The following ASIC2 variants were observed in gnomAD, a reference collection of about 807,000 sequenced individuals.
ASIC2 encodes acid sensing ion channel subunit 2.
ASIC2 carries 25 observed loss-of-function variants against 57.3 expected under a neutral mutation model. That is an observed-to-expected ratio of 0.44 (90% confidence interval 0.32 to 0.61). The LOEUF is 0.61. ASIC2 is among the 20% of genes least tolerant of loss of function. ASIC2 has a pLI of 0.06. For synonymous variants in ASIC2, 319 were observed against 307.5 expected (o/e 1.04, Z -0.39); for missense variants, 641 against 738.1 (o/e 0.87, Z 1.52).
chr17:34,059,074 G>A (rs569467909), intron 1 of ASIC2, among the ~76,000 whole-genome samples: 8 of 152,248 alleles, frequency 5.3e-5, no homozygotes, highest in African/African-American at 1.9e-4. Context: ...TTTGAGCTCT[G>A]GATCAACTGC....
At chr17:33,261,146 G>C (rs4795756) in intron 1 of ASIC2, among the ~76,000 whole-genome samples, 49,328 of 152,254 alleles carry the variant, frequency 0.32, 8,297 homozygotes, top group East Asian at 0.42. Flanking sequence ...TTTGCCATCA[G>C]TAATTTCAGA....
At chr17:33,776,185 C>T (rs573558582) in intron 1 of ASIC2, among the ~76,000 whole-genome samples, 1 of 149,952 alleles carries the variant, frequency 6.7e-6, no homozygotes, top group Non-Finnish European at 1.5e-5. Context: ...TGCCTAAATT[C>T]ATATGTTGAA....
intron 1 of ASIC2, among the ~76,000 whole-genome samples, chr17:33,950,170 G>A (rs947255103): frequency 3.3e-5 from 5 of 152,196 alleles, no homozygotes; most frequent in Non-Finnish European, 2.9e-5. Flanking sequence ...CTAATCAGGC[G>A]CTTTTGCTGC....
chr17:33,235,765 C>T (rs572088485), intron 1 of ASIC2, among the ~76,000 whole-genome samples: 1 of 152,232 alleles, frequency 6.6e-6, no homozygotes, highest in African/African-American at 2.4e-5. Flanking sequence ...TGGATCAGAC[C>T]CAGAGTCACA....
intron 1 of ASIC2, among the ~76,000 whole-genome samples, chr17:33,252,719 T>G (rs1415710576): frequency 6.6e-6 from 1 of 152,126 alleles, no homozygotes; most frequent in Non-Finnish European, 1.5e-5. Flanking sequence ...CAATTCTTGC[T>G]GGAGTTCTGC....
chr17:33,537,881 G>T (rs1377774293), intron 1 of ASIC2, among the ~76,000 whole-genome samples: 1 of 152,172 alleles, frequency 6.6e-6, no homozygotes, highest in Non-Finnish European at 1.5e-5. Context: ...ATAGGAACAG[G>T]ATCTAGATAG....
chr17:33,797,742 A>G (rs1911961841), intron 1 of ASIC2, among the ~76,000 whole-genome samples: 1 of 152,194 alleles, frequency 6.6e-6, no homozygotes. Context: ...TGCAGACAGA[A>G]GGCTGTTTGG....
chr17:33,132,558 C>G (rs1198446561), intron 1 of ASIC2, among the ~76,000 whole-genome samples: 1 of 152,208 alleles, frequency 6.6e-6, no homozygotes, highest in East Asian at 1.9e-4. Context: ...AGAGCACACA[C>G]ACACAGACTC....
intron 1 of ASIC2, among the ~76,000 whole-genome samples, chr17:33,957,969 A>G (rs759943032): frequency 1.8e-4 from 28 of 152,230 alleles, no homozygotes; most frequent in Non-Finnish European, 2.6e-4. Context: ...ACTCATTCCG[A>G]AAGGGAGAAA....
At chr17:33,611,141 C>T (rs1905395607) in intron 1 of ASIC2, among the ~76,000 whole-genome samples, 1 of 152,170 alleles carries the variant, frequency 6.6e-6, no homozygotes, top group African/African-American at 2.4e-5. Flanking sequence ...CTGCTGCTTT[C>T]CCAACTAGCC....
At chr17:33,186,277 A>AT (rs1383325147) in intron 1 of ASIC2, among the ~76,000 whole-genome samples, 1 of 151,950 alleles carries the variant, frequency 6.6e-6, no homozygotes, top group African/African-American at 2.4e-5. Flanking sequence ...CACCTAGCTA[A>AT]TTTTTGTATT....
chr17:33,374,553 G>C (rs8067530), intron 1 of ASIC2, among the ~76,000 whole-genome samples: 18,366 of 152,174 alleles, frequency 0.12, 1,407 homozygotes, highest in African/African-American at 0.21. Flanking sequence ...ATAACTCCCT[G>C]TCCTACATGG....
intron 1 of ASIC2, among the ~76,000 whole-genome samples, chr17:33,353,308 C>T (rs1430431426): frequency 6.6e-6 from 1 of 152,084 alleles, no homozygotes; most frequent in African/African-American, 2.4e-5. Flanking sequence ...CGACCTCTAC[C>T]TGTCTCATGC....
chr17:33,709,347 G>A (rs28435723), intron 1 of ASIC2, among the ~76,000 whole-genome samples: 2,005 of 152,346 alleles, frequency 0.013, 50 homozygotes, highest in African/African-American at 0.047. Context: ...ATGGCAGAAG[G>A]AACTTTTCAG....
intron 1 of ASIC2, among the ~76,000 whole-genome samples, chr17:33,749,482 G>A (rs1349505774): frequency 2.0e-5 from 3 of 151,960 alleles, no homozygotes; most frequent in African/African-American, 7.3e-5. Flanking sequence ...GTGGGCCTGG[G>A]GGTCTCTCAC....
rs536347135 is a variant in ASIC2 at position 33,132,833 on chromosome 17, G to A, written c.709-20766C>T. Among the ~76,000 whole-genome samples the A allele has an allele frequency of 4.6e-5, 7 of 152,290 alleles. No individual in the cohort carries two copies. In the East Asian group the frequency reaches 1.2e-3, roughly 25 times the overall value. On this transcript the variant is annotated intron_variant, in intron 1 of 9. Coordinates refer to ENST00000225823, the MANE Select transcript of ASIC2 (RefSeq NM_183377.2). The stretch of plus-strand genomic sequence containing the variant: ...AAATTGTTACGTCCTGCTTTTCTAT[G>A]TGCATGGAGTGGGAGATAACTTTGT...
chr17:33,209,755 T>C (rs1366309710), intron 1 of ASIC2, among the ~76,000 whole-genome samples: 1 of 152,214 alleles, frequency 6.6e-6, no homozygotes, highest in Admixed American at 6.5e-5. Flanking sequence ...GAGTGAATAG[T>C]GAATGAATAA....
intron 1 of ASIC2, among the ~76,000 whole-genome samples, chr17:34,031,981 A>G (rs1045027849): frequency 5.7e-4 from 86 of 152,118 alleles, no homozygotes; most frequent in African/African-American, 1.9e-3. Context: ...AGCAAGGCAG[A>G]CCAACATTCA....
chr17:33,411,644 A>G (rs1483971702), intron 1 of ASIC2, among the ~76,000 whole-genome samples: 3 of 152,180 alleles, frequency 2.0e-5, no homozygotes, highest in Non-Finnish European at 2.9e-5. Flanking sequence ...TTTTATTCCA[A>G]TTCAGTGGTT....
Sources: allele counts gnomAD v4.1 joint callset (sites outside exome capture counted in the v4.1 genomes callset), GRCh38; gene constraint gnomAD v4.1.1; transcripts MANE v1.5; gene names NCBI Gene and HGNC (gene_info 2026-07-23, HGNC 2026-07-21).